Variants in SAMD4A observed in about 807,000 individuals in gnomAD.
SAMD4A encodes the protein protein Smaug homolog 1.
Under a neutral mutation model 81.3 loss-of-function variants are expected in SAMD4A, and 33 were observed. The ratio of observed to expected loss-of-function variants is 0.41; its 90% CI spans 0.31 to 0.54. SAMD4A has a LOEUF of 0.54. Ranked by LOEUF, SAMD4A falls within the 20% of genes least tolerant of loss-of-function variation. The pLI is 0.37. For missense variants in SAMD4A, 854 were observed against 951.1 expected (o/e 0.90, Z 1.34); for synonymous variants, 389 against 382.1 (o/e 1.02, Z -0.21).
intron 11 of SAMD4A, among the ~76,000 whole-genome samples, chr14:54,782,137 G>T (rs2039013733): frequency 6.6e-6 from 1 of 152,112 alleles, no homozygotes; most frequent in Non-Finnish European, 1.5e-5. Flanking sequence ...CCCCTTTTTG[G>T]AACACGCAAT....
intron 2 of SAMD4A, among the ~76,000 whole-genome samples, chr14:54,586,530 A>G (rs555955041): frequency 5.9e-5 from 9 of 152,048 alleles, no homozygotes; most frequent in African/African-American, 9.7e-5. Flanking sequence ...GGTTTTTCCA[A>G]TGTTATCTTC....
chr14:54,777,874 T>C (rs976807153), intron 11 of SAMD4A, among the ~76,000 whole-genome samples: 1 of 152,170 alleles, frequency 6.6e-6, no homozygotes, highest in Admixed American at 6.5e-5. Flanking sequence ...TATAACAATA[T>C]AATTACACAT....
upstream of SAMD4A, chr14:54,567,046 A>T (rs1412447288): frequency 6.5e-6 from 1 of 152,888 alleles, no homozygotes; most frequent in Non-Finnish European, 1.5e-5. Flanking sequence ...AGGAGGAGTA[A>T]GAGGAGGAGG....
At chr14:54,754,531 G>A (rs76930820) in intron 6 of SAMD4A, among the ~76,000 whole-genome samples, 2,568 of 152,202 alleles carry the variant, frequency 0.017, 70 homozygotes, top group African/African-American at 0.058. Context: ...CACTGAGGAC[G>A]CATCCCCTGG....
chr14:54,659,562 C>T (rs1016125607), intron 2 of SAMD4A, among the ~76,000 whole-genome samples: 1 of 152,152 alleles, frequency 6.6e-6, no homozygotes, highest in Admixed American at 6.5e-5. Flanking sequence ...TCAAATGACT[C>T]CTCATCCTGT....
rs565540546 is a variant in SAMD4A at position 54,756,358 on chromosome 14, G to A, written c.1177-3803G>A. The stretch of plus-strand genomic sequence containing the variant: ...TCTCTGGCCACCCTGAGCCCTGCTC[G>A]GCCACGTATAGCGTCCTGTCATCCT... On this transcript the variant is annotated intron_variant, in intron 6 of 12. Coordinates refer to ENST00000554335, the MANE Select transcript of SAMD4A (RefSeq NM_015589.6). 7.8e-4 allele frequency among the ~76,000 whole-genome samples: 119 copies of A among 152,110 alleles called. 2 individuals are homozygous for A. The highest frequency in any genetic ancestry group is 1.6e-3 in the Admixed American group (24 of 15,270).
chr14:54,677,745 G>C (rs1486473798), intron 2 of SAMD4A, among the ~76,000 whole-genome samples: 2 of 152,152 alleles, frequency 1.3e-5, no homozygotes, highest in African/African-American at 4.8e-5. Context: ...CCACAATATT[G>C]TTTTAATTAG....
At chr14:54,580,487 A>T (rs913089775) in intron 2 of SAMD4A, among the ~76,000 whole-genome samples, 1 of 152,214 alleles carries the variant, frequency 6.6e-6, no homozygotes, top group Admixed American at 6.5e-5. Flanking sequence ...GTTTATGCAG[A>T]ATCTGACTTG....
intron 9 of SAMD4A, among the ~76,000 whole-genome samples, chr14:54,771,095 G>A (rs768595130): frequency 3.9e-5 from 6 of 152,098 alleles, no homozygotes; most frequent in Admixed American, 2.0e-4. Flanking sequence ...ATTTATTTGC[G>A]TAAGCGTGCC....
At chr14:54,765,649 GC>G (rs1820633963) in intron 8 of SAMD4A, among the ~76,000 whole-genome samples, 2 of 152,020 alleles carry the variant, frequency 1.3e-5, no homozygotes, top group South Asian at 4.1e-4. Flanking sequence ...AATAGTAAAG[GC>G]CCCAGGCCTC....
At position 54,568,721 on chromosome 14, in the gene SAMD4A, ATAT is replaced by A. The variant is rs1461248770; in HGVS notation, c.196+610_196+612del. On this transcript the variant is annotated intron_variant, in intron 2 of 12. Coordinates refer to ENST00000554335, the MANE Select transcript of SAMD4A (RefSeq NM_015589.6). ...TATATATATATATATATATATATAT[ATAT>A]ATATATATATATATATAATGCGGTT... Among the ~76,000 whole-genome samples the A allele has an allele frequency of 2.2e-4, 28 of 127,550 alleles. 1 individual carries two copies. In the South Asian group the frequency reaches 6.9e-3, roughly 31 times the overall value. 83.7% of individuals were successfully genotyped at this position (127,550 alleles called of 152,430 possible).
In SAMD4A at chr14:54,677,563, C is replaced by A. The variant is rs190804819; in HGVS notation, c.197-24499C>A. Among the ~76,000 whole-genome samples, 51 of 152,278 alleles carry A rather than the reference C, an allele frequency of 3.3e-4. 2 individuals are homozygous for A. The East Asian group carries it at 8.9e-3, about 26-fold the overall frequency. ...ATTTCAGAGGCTTTGTAATGGAAAT[C>A]GTAGTTCCAAGCTACGGTTCTTACC... On this transcript the variant is annotated intron_variant, in intron 2 of 12. Transcript: ENST00000554335.
chr14:54,568,054 G>T lies in SAMD4A; in HGVS notation c.138G>T (p.Glu46Asp). The change falls in exon 2 of 13, where the codon GAG (glutamate) becomes GAT (aspartate). Residue 46 changes from glutamate to aspartate, a missense_variant. Physicochemically the swap from Glu to Asp is conservative, Grantham distance 45 (BLOSUM62 2). This residue lies in a region of SAMD4A where 387 missense variants were observed against 405.8 expected (regional missense o/e 0.95). Coordinates refer to ENST00000554335, the MANE Select transcript of SAMD4A (RefSeq NM_015589.6). Reference protein sequence around the residue: ...TQARFLQLCLEHSLADCAELH... With the variant: ...TQARFLQLCLDHSLADCAELH... ...CCCGCTTCCTCCAGCTCTGCCTGGA[G>T]CACTCGCTGGCCGACTGCGCCGAGC... is the stretch of plus-strand genomic sequence containing the variant. 2 of 1,594,976 alleles carry T rather than the reference G, an allele frequency of 1.3e-6. No homozygotes were observed. The highest frequency in any genetic ancestry group is 1.7e-6 in the Non-Finnish European group (2 of 1,176,754).
chr14:54,721,069 T>C (rs2037249978), intron 3 of SAMD4A, among the ~76,000 whole-genome samples: 1 of 152,232 alleles, frequency 6.6e-6, no homozygotes. Context: ...CTGTCATTTT[T>C]GTGAGTTTTC....
At chr14:54,711,868 C>T (rs1025558198) in intron 3 of SAMD4A, among the ~76,000 whole-genome samples, 3 of 152,090 alleles carry the variant, frequency 2.0e-5, no homozygotes, top group Admixed American at 2.0e-4. Flanking sequence ...GGGAAAAAAA[C>T]CTCCATTTCT....
At chr14:54,646,843 C>T (rs2035297948) in intron 2 of SAMD4A, among the ~76,000 whole-genome samples, 1 of 152,192 alleles carries the variant, frequency 6.6e-6, no homozygotes, top group Admixed American at 6.5e-5. Context: ...CGTTTAACCA[C>T]TTTCACATTT....
rs567831973 is a variant in SAMD4A at position 54,727,166 on chromosome 14, C to CTTTTTTTTTTTTTTTTTTTTTTTTTTT, written c.716-9843_716-9817dup. ...TTATCACAACAGCCTTCTTTTTTTC[C>CTTTTTTTTTTTTTTTTTTTTTTTTTTT]TTTTTTTTTTTTTTTTTTTTTTTTT... On this transcript the variant is annotated intron_variant, in intron 3 of 12. Transcript: ENST00000554335. Among the ~76,000 whole-genome samples the CTTTTTTTTTTTTTTTTTTTTTTTTTTT allele has an allele frequency of 6.8e-5, 4 of 59,184 alleles. 1 individual carries two copies. The highest frequency in any genetic ancestry group is 1.3e-4 in the Non-Finnish European group (4 of 29,778). The allele number at this position is 59,184 out of a possible 152,430, so 38.8% of individuals were successfully genotyped here.
At chr14:54,571,458 C>T (rs189849626) in intron 2 of SAMD4A, among the ~76,000 whole-genome samples, 2 of 152,212 alleles carry the variant, frequency 1.3e-5, no homozygotes, top group Admixed American at 1.3e-4. Flanking sequence ...AAAATGCAAC[C>T]CACTGACTTT....
At chr14:54,565,451 G>C (rs967080981), upstream of SAMD4A, among the ~76,000 whole-genome samples, 4 of 152,208 alleles carry the variant, frequency 2.6e-5, no homozygotes, top group African/African-American at 9.6e-5. This position sits in a 1 kb window ranked among gnomAD's most constrained non-coding sequence, Gnocchi z 5.4. Flanking sequence ...AAGGGCATCC[G>C]GCACCCGACC....
Sources: allele counts gnomAD v4.1 joint callset (sites outside exome capture counted in the v4.1 genomes callset), GRCh38; gene constraint gnomAD v4.1.1; regional missense constraint gnomAD v4.1.1; non-coding constraint Gnocchi (gnomAD v3.1); transcripts MANE v1.5; gene names NCBI Gene and HGNC (gene_info 2026-07-23, HGNC 2026-07-21).